NBEA: variants seen among roughly 807,000 people sequenced by gnomAD.
The protein encoded by NBEA is neurobeachin, also known as lysosomal-trafficking regulator 2.
NBEA carries 44 observed loss-of-function variants against 343.4 expected under a neutral mutation model. That is an observed-to-expected ratio of 0.13 (90% confidence interval 0.10 to 0.16). The LOEUF (loss-of-function observed/expected upper bound fraction) is 0.16. NBEA is among the 10% of genes least tolerant of loss of function. NBEA has a pLI of 1.00. For missense variants in NBEA, 2,555 were observed against 3,631.3 expected (o/e 0.70, Z 7.62); for synonymous variants, 1,175 against 1,238.7 (o/e 0.95, Z 1.08).
At chr13:35,405,363 T>G (rs2043220932) in intron 38 of NBEA, among the ~76,000 whole-genome samples, 1 of 152,188 alleles carries the variant, frequency 6.6e-6, no homozygotes, top group African/African-American at 2.4e-5. Context: ...GTAGACTGTC[T>G]CATGCTGCTG....
At chr13:35,411,853 GT>G (rs1263320582) in intron 38 of NBEA, among the ~76,000 whole-genome samples, 1 of 151,980 alleles carries the variant, frequency 6.6e-6, no homozygotes, top group African/African-American at 2.4e-5. Flanking sequence ...GACAATACAA[GT>G]TTTTTATTTG....
At chr13:35,283,987 G>GAC (rs34465386) in intron 34 of NBEA, among the ~76,000 whole-genome samples, 79,371 of 140,772 alleles carry the variant, frequency 0.56, 21,497 homozygotes, top group Admixed American at 0.68. Context: ...TGTGTACACA[G>GAC]ACACACACAC....
At chr13:35,428,117 A>C (rs1006954264) in intron 38 of NBEA, among the ~76,000 whole-genome samples, 3 of 152,132 alleles carry the variant, frequency 2.0e-5, no homozygotes, top group African/African-American at 7.2e-5. Flanking sequence ...TTTGGCTCGC[A>C]CACGATCCGC....
At chr13:35,274,605 T>C (rs865912958) in intron 34 of NBEA, among the ~76,000 whole-genome samples, 1 of 152,118 alleles carries the variant, frequency 6.6e-6, no homozygotes, top group African/African-American at 2.4e-5. Context: ...AATTGTATAC[T>C]TAGAAAACCC....
intron 53 of NBEA, among the ~76,000 whole-genome samples, chr13:35,653,673 G>A (rs1301036633): frequency 1.3e-5 from 2 of 152,090 alleles, no homozygotes; most frequent in Non-Finnish European, 2.9e-5. Context: ...TTTGAACCTG[G>A]AAATAAGATA....
At chr13:35,320,803 C>G (rs1413742549) in intron 36 of NBEA, among the ~76,000 whole-genome samples, 1 of 151,992 alleles carries the variant, frequency 6.6e-6, no homozygotes, top group Non-Finnish European at 1.5e-5. Flanking sequence ...GCTTTTAATT[C>G]TTTTTCTCTA....
At chr13:35,321,892 A>G (rs2038174739) in intron 36 of NBEA, among the ~76,000 whole-genome samples, 1 of 152,166 alleles carries the variant, frequency 6.6e-6, no homozygotes, top group Admixed American at 6.5e-5. Context: ...CTTTGTTTAC[A>G]CTATGCAGGG....
chr13:35,429,683 A>G (rs2044957625), intron 38 of NBEA, among the ~76,000 whole-genome samples: 1 of 152,064 alleles, frequency 6.6e-6, no homozygotes, highest in Admixed American at 6.6e-5. Flanking sequence ...TGAATAAGTT[A>G]TTTAAGTGGT....
intron 1 of NBEA, among the ~76,000 whole-genome samples, chr13:34,975,409 T>C (rs951439231): frequency 2.6e-5 from 4 of 152,176 alleles, no homozygotes; most frequent in African/African-American, 4.8e-5. Context: ...ACAAGCCACA[T>C]GTAGAAGAAT....
rs1033405328 is a variant in NBEA, at chr13:35,632,924, A to G, written c.7617+4676A>G. 2.0e-5 allele frequency among the ~76,000 whole-genome samples: 3 copies of G among 149,540 alleles called. No individual in the cohort carries two copies. The Admixed American group carries it at 2.0e-4, about 10-fold the overall frequency. The stretch of plus-strand genomic sequence containing the variant: ...GTACTATTTTTAATACACATGTCAT[A>G]CCCATCTAACTCCCCATCCACTCTA... On this transcript the variant is annotated intron_variant, in intron 49 of 58. Transcript: ENST00000379939.
intron 45 of NBEA, among the ~76,000 whole-genome samples, chr13:35,581,133 A>T (rs1446947879): frequency 3.3e-5 from 5 of 152,168 alleles, no homozygotes; most frequent in African/African-American, 1.2e-4. Context: ...TGAAAAATAT[A>T]CTCAGTAATG....
At chr13:35,222,307 G>A (rs2074412061) in intron 33 of NBEA, among the ~76,000 whole-genome samples, 1 of 151,892 alleles carries the variant, frequency 6.6e-6, no homozygotes, top group Admixed American at 6.6e-5. Context: ...GAAGGGTTTT[G>A]ATGGTAATTT....
chr13:35,091,657 T>G (rs1396915339), intron 10 of NBEA, among the ~76,000 whole-genome samples: 1 of 151,924 alleles, frequency 6.6e-6, no homozygotes, highest in African/African-American at 2.4e-5. Context: ...ATATTAACAA[T>G]GTACAATGTG....
intron 34 of NBEA, among the ~76,000 whole-genome samples, chr13:35,239,012 T>G (rs2075363354): frequency 6.6e-6 from 1 of 152,096 alleles, no homozygotes; most frequent in African/African-American, 2.4e-5. Context: ...GTATTTTTAT[T>G]TAAAAATTAT....
rs775398076 is a variant in NBEA at position 35,620,661 on chromosome 13, C to T, written c.7450-7420C>T. 5.9e-5 allele frequency among the ~76,000 whole-genome samples: 9 copies of T among 152,112 alleles called. No individual in the cohort carries two copies. The Middle Eastern group carries it at 0.01, about 172-fold the overall frequency. On this transcript the variant is annotated intron_variant, in intron 48 of 58. Transcript: ENST00000379939. ...TGTTTTGAAGGGATCACTCTGGCTGCAGTGTTGGGAATGAATGATTCTGCA... is the reference window on the plus strand; with the variant it reads ...TGTTTTGAAGGGATCACTCTGGCTGTAGTGTTGGGAATGAATGATTCTGCA...
intron 45 of NBEA, among the ~76,000 whole-genome samples, chr13:35,574,302 A>C (rs1425975193): frequency 6.6e-6 from 1 of 151,244 alleles, no homozygotes; most frequent in African/African-American, 2.4e-5. Flanking sequence ...TTTAAAAAAA[A>C]AAAAAAAGCT....
In NBEA at chr13:35,154,449, C is replaced by G. The variant is rs551733724; in HGVS notation, c.2446-1325C>G. 3.9e-5 allele frequency among the ~76,000 whole-genome samples: 6 copies of G among 152,170 alleles called. No individual in the cohort carries two copies. The South Asian group carries it at 1.2e-3, about 32-fold the overall frequency. On this transcript the variant is annotated intron_variant, in intron 18 of 58. Transcript: ENST00000379939. ...TAAAGCTAAACAGGAAATTAAATCA[C>G]AGATATAAAATGATGTCTGTATTAA...
intron 34 of NBEA, among the ~76,000 whole-genome samples, chr13:35,237,598 A>C (rs2075295384): frequency 6.6e-6 from 1 of 152,224 alleles, no homozygotes; most frequent in South Asian, 2.1e-4. Context: ...CATTTAAGAA[A>C]TAGTGCTTAT....
At chr13:35,265,409 C>T (rs934223494) in intron 34 of NBEA, among the ~76,000 whole-genome samples, 2 of 151,588 alleles carry the variant, frequency 1.3e-5, no homozygotes, top group Non-Finnish European at 3.0e-5. Flanking sequence ...CCCAAATAGC[C>T]AAAGTAATCT....
Sources: allele counts gnomAD v4.1 joint callset (sites outside exome capture counted in the v4.1 genomes callset), GRCh38; gene constraint gnomAD v4.1.1; transcripts MANE v1.5; gene names NCBI Gene and HGNC (gene_info 2026-07-23, HGNC 2026-07-21).